KCNIP4: variants seen among roughly 807,000 people sequenced by gnomAD.
KCNIP4 encodes the protein potassium voltage-gated channel interacting protein 4.
In KCNIP4, 12 loss-of-function variants were observed where a neutral mutation model predicts 34.0. The observed-to-expected ratio is 0.35, with a 90% confidence interval of 0.23 to 0.57. The LOEUF is 0.57. Ranked by LOEUF, KCNIP4 falls within the 20% of genes least tolerant of loss-of-function variation. The pLI is 0.83. For synonymous variants in KCNIP4, 124 were observed against 102.2 expected, an observed-to-expected ratio of 1.21 and a Z score of -1.29; for missense variants, 238 against 311.7, an observed-to-expected ratio of 0.76 and a Z score of 1.78.
intron 1 of KCNIP4, among the ~76,000 whole-genome samples, chr4:21,489,321 G>GAA (rs529825719): frequency 0.022 from 2,753 of 125,430 alleles, 81 homozygotes; most frequent in African/African-American, 0.069. Flanking sequence ...ACATAGAGTT[G>GAA]AAAAAAAAAA....
chr4:21,279,447 G>A (rs1762639819), intron 1 of KCNIP4, among the ~76,000 whole-genome samples: 1 of 151,170 alleles, frequency 6.6e-6, no homozygotes, highest in Admixed American at 6.6e-5. Context: ...CTGAGTTTTG[G>A]TATTGGCCTA....
At chr4:21,349,339 A>G (rs989929204) in intron 1 of KCNIP4, among the ~76,000 whole-genome samples, 4 of 152,154 alleles carry the variant, frequency 2.6e-5, no homozygotes, top group African/African-American at 9.7e-5. Context: ...GAGTAAATTG[A>G]GTCAGAATAT....
At chr4:21,395,400 C>A (rs527826740) in intron 1 of KCNIP4, among the ~76,000 whole-genome samples, 1 of 152,098 alleles carries the variant, frequency 6.6e-6, no homozygotes, top group Non-Finnish European at 1.5e-5. Flanking sequence ...CCTAAATAAA[C>A]CATCTGTTCT....
At chr4:21,063,304 C>G (rs1406360110) in intron 1 of KCNIP4, among the ~76,000 whole-genome samples, 1 of 152,152 alleles carries the variant, frequency 6.6e-6, no homozygotes, top group East Asian at 1.9e-4. Flanking sequence ...ACAGGTTACA[C>G]CATCTATTCT....
rs373880700 is a variant in KCNIP4 at position 20,926,970 on chromosome 4, T to C, written c.62-44261A>G. The stretch of plus-strand genomic sequence containing the variant: ...CATGAAATCTTATTGTAATTTTCTT[T>C]CTTTCTTTCTGTTCTTTTTTTGAGA... On this transcript the variant is annotated intron_variant, in intron 1 of 8. Coordinates refer to ENST00000382152, the MANE Select transcript of KCNIP4 (RefSeq NM_025221.6). 9.8e-5 allele frequency among the ~76,000 whole-genome samples: 15 copies of C among 152,288 alleles called. No individual in the cohort carries two copies. The East Asian group carries it at 1.3e-3, about 14-fold the overall frequency.
At chr4:21,027,879 T>C (rs1740687524) in intron 1 of KCNIP4, among the ~76,000 whole-genome samples, 1 of 152,176 alleles carries the variant, frequency 6.6e-6, no homozygotes. Context: ...TAATTTAACA[T>C]GATGACAATT....
intron 1 of KCNIP4, among the ~76,000 whole-genome samples, chr4:21,071,321 G>C (rs76052811): frequency 0.026 from 3,885 of 152,184 alleles, 147 homozygotes; most frequent in African/African-American, 0.087. Context: ...CCTGTTGTCC[G>C]ATTTCTCAAG....
At chr4:21,010,136 G>A (rs1419368974) in intron 1 of KCNIP4, among the ~76,000 whole-genome samples, 2 of 152,108 alleles carry the variant, frequency 1.3e-5, no homozygotes. Context: ...CACACTTACT[G>A]CTAATTAAGG....
chr4:20,841,583 C>T (rs10001877), intron 3 of KCNIP4, among the ~76,000 whole-genome samples: 55,965 of 151,620 alleles, frequency 0.37, 10,733 homozygotes, highest in Non-Finnish European at 0.43. Flanking sequence ...ACCTCCACCA[C>T]ATATCCAAGC....
chr4:21,863,198 T>C (rs1725196095), intron 1 of KCNIP4, among the ~76,000 whole-genome samples: 1 of 151,506 alleles, frequency 6.6e-6, no homozygotes, highest in Admixed American at 6.6e-5. Flanking sequence ...TTCAGGTAAT[T>C]CCTAGGCAGC....
At chr4:20,860,688 T>C (rs1722104635) in intron 2 of KCNIP4, among the ~76,000 whole-genome samples, 1 of 152,170 alleles carries the variant, frequency 6.6e-6, no homozygotes, top group Admixed American at 6.6e-5. Flanking sequence ...AATAACATAA[T>C]GAGGATGATC....
At chr4:21,624,345 A>C (rs2109185716) in intron 1 of KCNIP4, among the ~76,000 whole-genome samples, 1 of 152,282 alleles carries the variant, frequency 6.6e-6, no homozygotes, top group Non-Finnish European at 1.5e-5. Context: ...CTCTAAGTTA[A>C]AGAAAGAAAC....
At chr4:21,101,659 A>G (rs1747952053) in intron 1 of KCNIP4, among the ~76,000 whole-genome samples, 1 of 152,176 alleles carries the variant, frequency 6.6e-6, no homozygotes, top group Non-Finnish European at 1.5e-5. Context: ...AAAATGTTCT[A>G]TTATTAGTGT....
intron 1 of KCNIP4, among the ~76,000 whole-genome samples, chr4:21,882,339 T>C (rs1037772958): frequency 1.3e-5 from 2 of 152,166 alleles, no homozygotes; most frequent in South Asian, 4.1e-4. Context: ...CATTCAAATC[T>C]GGTAGGCAAG....
chr4:21,241,936 G>A (rs372925939), intron 1 of KCNIP4, among the ~76,000 whole-genome samples: 6 of 151,934 alleles, frequency 3.9e-5, no homozygotes, highest in Non-Finnish European at 7.4e-5. Flanking sequence ...AGGCCAAGGC[G>A]GGTGGATCAT....
chr4:21,330,568 A>T (rs945283613), intron 1 of KCNIP4, among the ~76,000 whole-genome samples: 1 of 152,182 alleles, frequency 6.6e-6, no homozygotes, highest in African/African-American at 2.4e-5. Context: ...AGCTTTGTGT[A>T]TTAATTCTGT....
intron 1 of KCNIP4, among the ~76,000 whole-genome samples, chr4:21,940,677 G>A (rs1240755042): frequency 4.0e-5 from 6 of 151,652 alleles, no homozygotes; most frequent in African/African-American, 1.2e-4. Flanking sequence ...ATTGTACAGA[G>A]GAAAAAAGAA....
At chr4:21,098,028 TATA>T (rs1747613913) in intron 1 of KCNIP4, among the ~76,000 whole-genome samples, 1 of 152,100 alleles carries the variant, frequency 6.6e-6, no homozygotes, top group African/African-American at 2.4e-5. Context: ...TTATTGCTGA[TATA>T]AAGGAAGTTT....
At chr4:21,511,094 T>C (rs1217968639) in intron 1 of KCNIP4, among the ~76,000 whole-genome samples, 2 of 152,022 alleles carry the variant, frequency 1.3e-5, no homozygotes, top group Admixed American at 6.6e-5. Flanking sequence ...TGCCTGTATA[T>C]AGTATGCATT....
Sources: allele counts gnomAD v4.1 joint callset (sites outside exome capture counted in the v4.1 genomes callset), GRCh38; gene constraint gnomAD v4.1.1; transcripts MANE v1.5; gene names NCBI Gene and HGNC (gene_info 2026-07-23, HGNC 2026-07-21).